HYCC1: variants seen among roughly 807,000 people sequenced by gnomAD.
HYCC1 encodes the protein hyccin.
At chr7:22,945,221 T>G in the HYCC1 span, 1 of 295,880 alleles carries the variant, frequency 3.4e-6, no homozygotes, top group Non-Finnish European at 6.4e-6. Context: ...TAGGAGCTAT[T>G]AAAAAACCAA....
At chr7:23,013,265 G>T in the HYCC1 span, among the ~76,000 whole-genome samples, 1 of 152,200 alleles carries the variant, frequency 6.6e-6, no homozygotes, top group African/African-American at 2.4e-5. Flanking sequence ...GAAGGGGCAA[G>T]GGCTCAAGAA....
At chr7:22,978,142 G>T in the HYCC1 span, 2 of 822,904 alleles carry the variant, frequency 2.4e-6, no homozygotes, top group Non-Finnish European at 4.0e-6. Flanking sequence ...ATATTTGGAA[G>T]AATGGGCTAT....
chr7:23,011,276 C>T, the HYCC1 span, among the ~76,000 whole-genome samples: 2 of 152,214 alleles, frequency 1.3e-5, no homozygotes, highest in Non-Finnish European at 2.9e-5. Context: ...ATCAATATAG[C>T]TTCAATTCAA....
At chr7:22,963,528 G>A in the HYCC1 span, among the ~76,000 whole-genome samples, 1 of 152,144 alleles carries the variant, frequency 6.6e-6, no homozygotes, top group South Asian at 2.1e-4. Flanking sequence ...AAAGAAAAAA[G>A]ATAAAATAAA....
At chr7:22,984,697 G>A in the HYCC1 span, among the ~76,000 whole-genome samples, 1 of 152,168 alleles carries the variant, frequency 6.6e-6, no homozygotes, top group African/African-American at 2.4e-5. Context: ...ACTCCAGCCT[G>A]GGTAACAGAA....
At chr7:22,995,474 A>G in the HYCC1 span, among the ~76,000 whole-genome samples, 4 of 152,176 alleles carry the variant, frequency 2.6e-5, no homozygotes, top group Non-Finnish European at 5.9e-5. Flanking sequence ...CTATGATCAT[A>G]GCCTAGACCA....
chr7:22,922,887 C>T, the HYCC1 span, among the ~76,000 whole-genome samples: 4 of 152,100 alleles, frequency 2.6e-5, no homozygotes, highest in Admixed American at 6.5e-5. Flanking sequence ...TACATATACA[C>T]CTAACAACAG....
the HYCC1 span, among the ~76,000 whole-genome samples, chr7:23,011,449 C>G: frequency 6.6e-6 from 1 of 152,150 alleles, no homozygotes; most frequent in African/African-American, 2.4e-5. Context: ...AACAGAACCC[C>G]AAGTCAAACC....
At chr7:22,992,539 A>C in the HYCC1 span, among the ~76,000 whole-genome samples, 3 of 152,060 alleles carry the variant, frequency 2.0e-5, no homozygotes, top group African/African-American at 7.2e-5. Flanking sequence ...TTCACATCTT[A>C]AGTTTTCAGT....
At chr7:22,983,052 G>C in the HYCC1 span, among the ~76,000 whole-genome samples, 178 of 152,192 alleles carry the variant, frequency 1.2e-3, no homozygotes, top group African/African-American at 4.1e-3. Flanking sequence ...CAGCTAGTGA[G>C]GCACAGTGCC....
At chr7:22,983,815 C>T in the HYCC1 span, 1 of 670,264 alleles carries the variant, frequency 1.5e-6, no homozygotes, top group South Asian at 1.6e-5. Context: ...GAATGGTACA[C>T]TAGAGTTCAT....
At chr7:22,937,096 T>C in the HYCC1 span, 16 of 152,332 alleles carry the variant, frequency 1.1e-4, no homozygotes, top group African/African-American at 3.1e-4. Context: ...AAAGTGGTGA[T>C]GCTCTTCCAG....
chr7:23,005,844 A>G, the HYCC1 span, among the ~76,000 whole-genome samples: 1 of 152,196 alleles, frequency 6.6e-6, no homozygotes, highest in Non-Finnish European at 1.5e-5. Flanking sequence ...TATTTGATTT[A>G]CACATTTTTA....
chr7:22,966,172 A>C, the HYCC1 span, among the ~76,000 whole-genome samples: 1 of 152,240 alleles, frequency 6.6e-6, no homozygotes. Context: ...CACTGCAAAA[A>C]GTACATTAAA....
At chr7:22,960,028 A>G in the HYCC1 span, among the ~76,000 whole-genome samples, 1 of 152,228 alleles carries the variant, frequency 6.6e-6, no homozygotes, top group African/African-American at 2.4e-5. Flanking sequence ...ACAATTTCAA[A>G]TTGAATATGA....
At chr7:22,903,839 C>A in the HYCC1 span, among the ~76,000 whole-genome samples, 5 of 152,012 alleles carry the variant, frequency 3.3e-5, no homozygotes, top group African/African-American at 1.2e-4. Context: ...AATATCATAA[C>A]CTGGCCAGAG....
the HYCC1 span, among the ~76,000 whole-genome samples, chr7:22,970,844 G>A: frequency 6.6e-6 from 1 of 152,148 alleles, no homozygotes; most frequent in African/African-American, 2.4e-5. Context: ...TGGCTCCTCT[G>A]TTCATCACGG....
chr7:22,904,414 G>A, the HYCC1 span, among the ~76,000 whole-genome samples: 2 of 138,494 alleles, frequency 1.4e-5, no homozygotes, highest in Non-Finnish European at 3.1e-5. Flanking sequence ...CTGGGCAACA[G>A]AGCGAGACTC....
chr7:22,908,344 T>C, the HYCC1 span, among the ~76,000 whole-genome samples: 3 of 152,234 alleles, frequency 2.0e-5, no homozygotes, highest in African/African-American at 4.8e-5. Flanking sequence ...TAGCTTGCTT[T>C]GGTTACATTT....
Sources: allele counts gnomAD v4.1 joint callset (sites outside exome capture counted in the v4.1 genomes callset), GRCh38; gene constraint gnomAD v4.1.1; transcripts MANE v1.5; gene names NCBI Gene and HGNC (gene_info 2026-07-23, HGNC 2026-07-21).